The following ANXA8 variants were observed in gnomAD, a reference collection of about 807,000 sequenced individuals.
ANXA8 encodes VAC-beta.
A neutral mutation model predicts 26.8 loss-of-function variants in ANXA8; 9 were observed. The ratio of observed to expected loss-of-function variants is 0.34; its 90% CI spans 0.20 to 0.59. The LOEUF is 0.59. Ranked by LOEUF, ANXA8 falls within the 20% of genes least tolerant of loss-of-function variation. ANXA8 has a pLI of 0.84. For missense variants in ANXA8, 83 were observed against 238.5 expected (o/e 0.35, Z 4.29); for synonymous variants, 39 against 94.8 (o/e 0.41, Z 3.42).
the ANXA8 span, among the ~76,000 whole-genome samples, chr10:47,626,160 T>A: frequency 1.3e-5 from 2 of 150,280 alleles, no homozygotes; most frequent in Admixed American, 1.3e-4. Flanking sequence ...TTATAAAGGG[T>A]CAAATGGCAG....
At chr10:47,653,093 T>A in the ANXA8 span, among the ~76,000 whole-genome samples, 1 of 150,618 alleles carries the variant, frequency 6.6e-6, no homozygotes, top group Non-Finnish European at 1.5e-5. Context: ...AGGTAGATCA[T>A]CTGAGGTTAG....
the ANXA8 span, among the ~76,000 whole-genome samples, chr10:47,637,190 CAAATT>C: frequency 6.9e-6 from 1 of 145,928 alleles, no homozygotes; most frequent in African/African-American, 2.7e-5. Context: ...CAGAACCAGA[CAAATT>C]AAACAGAGTC....
intron 9 of ANXA8, 33 bp downstream of exon 9, chr10:47,473,937 T>G: frequency 2.3e-6 from 1 of 431,560 alleles, no homozygotes; most frequent in Non-Finnish European, 3.8e-6. Context: ...GTGAGCCCTG[T>G]GGCCTGAAAA....
chr10:47,567,837 C>T, the ANXA8 span: 1 of 289,378 alleles, frequency 3.5e-6, no homozygotes, highest in Non-Finnish European at 6.6e-6. Flanking sequence ...ATTTCTTGAA[C>T]TTTCAGAAAT....
the ANXA8 span, among the ~76,000 whole-genome samples, chr10:47,980,272 AAGCAATACTTAGGGAGACTTTTAT>A: frequency 6.6e-6 from 1 of 151,746 alleles, no homozygotes; most frequent in Non-Finnish European, 1.5e-5. Context: ...GATGCAGTCA[AAGCAATACTTAGGGAGACTTTTAT>A]AGCTGTAAAT....
the ANXA8 span, among the ~76,000 whole-genome samples, chr10:47,896,127 A>C: frequency 1.3e-3 from 191 of 150,876 alleles, 7 homozygotes; most frequent in African/African-American, 4.5e-3. Context: ...CCTTGCCAGC[A>C]GAATTTTACG....
At chr10:47,949,210 A>G in the ANXA8 span, among the ~76,000 whole-genome samples, 1 of 133,872 alleles carries the variant, frequency 7.5e-6, no homozygotes, top group Non-Finnish European at 1.5e-5. Context: ...ATATCTATCT[A>G]TTCCAAAATT....
At chr10:47,701,408 A>G in the ANXA8 span, among the ~76,000 whole-genome samples, 1 of 151,900 alleles carries the variant, frequency 6.6e-6, no homozygotes, top group Admixed American at 6.6e-5. Flanking sequence ...ATGAAAATAC[A>G]TATCACAAGG....
At chr10:47,666,401 A>G in the ANXA8 span, among the ~76,000 whole-genome samples, 2 of 151,194 alleles carry the variant, frequency 1.3e-5, no homozygotes, top group Admixed American at 1.3e-4. Context: ...TAAGTGTTTT[A>G]TGTGCATTAT....
At chr10:47,577,198 C>A in the ANXA8 span, among the ~76,000 whole-genome samples, 1 of 145,160 alleles carries the variant, frequency 6.9e-6, no homozygotes, top group East Asian at 2.0e-4. Flanking sequence ...GCACTCCAGC[C>A]TGGGCGACAG....
chr10:47,982,103 C>A, the ANXA8 span, among the ~76,000 whole-genome samples: 1 of 151,438 alleles, frequency 6.6e-6, no homozygotes, highest in East Asian at 2.0e-4. Flanking sequence ...ACCTGGGCAA[C>A]ATAATGAGAC....
At chr10:47,733,143 A>ATTTT in the ANXA8 span, among the ~76,000 whole-genome samples, 43 of 98,136 alleles carry the variant, frequency 4.4e-4, no homozygotes, top group African/African-American at 1.5e-3. Flanking sequence ...CAACTCCCTA[A>ATTTT]TCTTTCTTTC....
At chr10:47,484,588 C>A, upstream of ANXA8, 6 of 1,195,030 alleles carry the variant, frequency 5.0e-6, no homozygotes, top group South Asian at 3.1e-5. Context: ...GCTCCATCAC[C>A]CCCCAGGCTG....
At chr10:47,522,378 C>A in the ANXA8 span, among the ~76,000 whole-genome samples, 12 of 149,464 alleles carry the variant, frequency 8.0e-5, no homozygotes, top group Admixed American at 2.0e-4. Flanking sequence ...GTAATCAGAG[C>A]CTCATAGGTA....
the ANXA8 span, among the ~76,000 whole-genome samples, chr10:47,571,572 C>CA: frequency 1.3e-4 from 19 of 147,796 alleles, no homozygotes; most frequent in African/African-American, 4.9e-4. Flanking sequence ...CAAAACAAAA[C>CA]AAAACAAAAA....
the ANXA8 span, among the ~76,000 whole-genome samples, chr10:47,695,142 A>G: frequency 1.3e-5 from 2 of 150,800 alleles, no homozygotes; most frequent in Admixed American, 1.3e-4. Context: ...AAAGTCTTGA[A>G]TGCTGTACTA....
the ANXA8 span, among the ~76,000 whole-genome samples, chr10:47,768,240 C>T: frequency 6.6e-6 from 1 of 151,600 alleles, no homozygotes; most frequent in Non-Finnish European, 1.5e-5. Context: ...TGGCTCACTC[C>T]TGCCCCTCCT....
the ANXA8 span, among the ~76,000 whole-genome samples, chr10:47,667,581 C>T: frequency 1.3e-5 from 2 of 151,358 alleles, no homozygotes; most frequent in Non-Finnish European, 2.9e-5. Context: ...AGACAGAATC[C>T]CACTCTCGCC....
At chr10:47,498,826 A>G in the ANXA8 span, among the ~76,000 whole-genome samples, 71 of 115,840 alleles carry the variant, frequency 6.1e-4, no homozygotes, top group East Asian at 0.012. Flanking sequence ...GTATGGCCAG[A>G]CACGGTGGCT....
Sources: gnomAD v4.1 joint callset for allele counts (sites outside exome capture counted in the v4.1 genomes callset) on GRCh38, gnomAD v4.1.1 for gene constraint, MANE v1.5 for transcripts, NCBI Gene and HGNC (gene_info 2026-07-23, HGNC 2026-07-21) for gene names.